The following PRKAR1B variants were observed in gnomAD, a reference collection of about 807,000 sequenced individuals.
PRKAR1B encodes the protein cAMP-dependent protein kinase type I-beta regulatory subunit.
Under a neutral mutation model 46.5 loss-of-function variants are expected in PRKAR1B, and 22 were observed. The observed-to-expected ratio is 0.47, with a 90% CI of 0.34 to 0.68. The LOEUF is 0.68. Ranked by LOEUF, PRKAR1B falls within the 30% of genes least tolerant of loss-of-function variation. The pLI, the probability that PRKAR1B is intolerant of heterozygous loss-of-function variation, is 0.01. For synonymous variants in PRKAR1B, 259 were observed against 217.7 expected, an observed-to-expected ratio of 1.19 and a Z score of -1.67; for missense variants, 445 against 535.6, an observed-to-expected ratio of 0.83 and a Z score of 1.67.
Position 566,025 on chromosome 7 carries a change from A to G in PRKAR1B, c.891+13231T>C, listed in dbSNP as rs550123832. Among the ~76,000 whole-genome samples, 296 of 152,322 alleles carry G rather than the reference A, an allele frequency of 1.9e-3. 2 individuals are homozygous for G. Among genetic ancestry groups the G allele is most frequent in the Non-Finnish European group, 2.2e-3 (149 of 68,024 alleles). On this transcript the variant is annotated intron_variant, in intron 9 of 10. Transcript: ENST00000537384. ...CTCTCAGTGCATTTTCTCATCAGAC[A>G]TATTGGGAGGATAATGGTCATTACC...
rs1466204484 is a variant in PRKAR1B, at chr7:644,134, C to T, written c.440+33095G>A. Reference sequence around the variant, plus strand: ...AACAGAGGTGCTAAGTCACGGGCCACATGCACCCCCTCCTGTGCCCTCACC... The same window carrying T: ...AACAGAGGTGCTAAGTCACGGGCCATATGCACCCCCTCCTGTGCCCTCACC... On this transcript the variant is annotated intron_variant, in intron 4 of 10. Coordinates refer to ENST00000537384, the MANE Select transcript of PRKAR1B (RefSeq NM_001164760.2). This position sits in a 1 kb window ranked among gnomAD's most constrained non-coding sequence, Gnocchi z 4.9. Among the ~76,000 whole-genome samples, 1 of 152,168 alleles carries T rather than the reference C, an allele frequency of 6.6e-6. No individual in the cohort carries two copies. Among genetic ancestry groups the T allele is most frequent in the Non-Finnish European group, 1.5e-5 (1 of 68,024 alleles).
intron 10 of PRKAR1B, among the ~76,000 whole-genome samples, chr7:551,065 C>A (rs1784155251): frequency 6.6e-6 from 1 of 152,086 alleles, no homozygotes. Context: ...AGCCCACCCA[C>A]CCCCAGCTGC....
intron 2 of PRKAR1B, among the ~76,000 whole-genome samples, chr7:704,702 C>T (rs1195595522): frequency 1.3e-5 from 2 of 151,838 alleles, no homozygotes; most frequent in African/African-American, 2.4e-5. Context: ...CCAGGAGGGG[C>T]GGGTTGCAGT....
In PRKAR1B at chr7:550,502, C is replaced by T; in HGVS notation, c.1074G>A (p.Val358=). 1 of 1,601,180 alleles carries T rather than the reference C, an allele frequency of 6.2e-7. No homozygotes were observed. Among genetic ancestry groups the T allele is most frequent in the Non-Finnish European group, 8.5e-7 (1 of 1,174,456 alleles). Reference sequence around the variant, plus strand: ...TGAGGATCTCAGAGCAGGGCCCCAGCACACGCTCGAAGCGGGGCCGGTCCA... The same window carrying T: ...TGAGGATCTCAGAGCAGGGCCCCAGTACACGCTCGAAGCGGGGCCGGTCCA... ...VKLDRPRFER[V]LGPCSEILKR... Residue 358 remains valine, a synonymous_variant, in exon 11 of 11, where the codon GTG becomes GTA. Transcript: ENST00000537384.
At chr7:646,721 G>C (rs1322479912) in intron 4 of PRKAR1B, among the ~76,000 whole-genome samples, 1 of 152,234 alleles carries the variant, frequency 6.6e-6, no homozygotes, top group Non-Finnish European at 1.5e-5. Flanking sequence ...AAATGGCTCA[G>C]AGTGCTCAGC....
At chr7:582,516 C>T (rs9330371) in intron 8 of PRKAR1B, among the ~76,000 whole-genome samples, 30,407 of 152,292 alleles carry the variant, frequency 0.2, 3,312 homozygotes, top group Non-Finnish European at 0.22. Flanking sequence ...ACGGAGAAGC[C>T]GGTCACATTG....
chr7:608,745 C>T (rs112543242), intron 4 of PRKAR1B, among the ~76,000 whole-genome samples: 697 of 68,092 alleles, frequency 0.01, 10 homozygotes, highest in East Asian at 0.013. Flanking sequence ...TGTGGCAGGG[C>T]TGTAGGGAAG....
At chr7:689,981 G>A (rs1038991855) in intron 2 of PRKAR1B, among the ~76,000 whole-genome samples, 2 of 149,664 alleles carry the variant, frequency 1.3e-5, no homozygotes, top group African/African-American at 4.9e-5. Flanking sequence ...GCGCCTGGCC[G>A]AGAACACAGT....
At position 560,634 on chromosome 7, in the gene PRKAR1B, C is replaced by T. The variant is rs147774988; in HGVS notation, c.892-9164G>A. 7.2e-4 allele frequency among the ~76,000 whole-genome samples: 110 copies of T among 152,292 alleles called. No individual in the cohort carries two copies. Among genetic ancestry groups the T allele is most frequent in the African/African-American group, 2.5e-3 (105 of 41,564 alleles). ...AGACCAAGAGTCGAAGAGTCTGGGT[C>T]CAGCCTCAGCTCTGCAATGCACCAG... On this transcript the variant is annotated intron_variant, in intron 9 of 10. Transcript: ENST00000537384. The surrounding 1 kb of genome is among the most constrained non-coding windows in gnomAD (Gnocchi z 4.2).
chr7:718,786 T>TCCCTGACC (rs1387571559), intron 1 of PRKAR1B, among the ~76,000 whole-genome samples: 1 of 151,630 alleles, frequency 6.6e-6, no homozygotes, highest in Non-Finnish European at 1.5e-5. Context: ...GTTCTCCATA[T>TCCCTGACC]CCCTGACCTT....
intron 4 of PRKAR1B, among the ~76,000 whole-genome samples, chr7:657,467 AC>A (rs1785275454): frequency 6.6e-6 from 1 of 152,172 alleles, no homozygotes; most frequent in Non-Finnish European, 1.5e-5. Context: ...CTCCCTCAAT[AC>A]CCCATATTTA....
At chr7:677,008 G>A (rs1233670827) in intron 4 of PRKAR1B, among the ~76,000 whole-genome samples, 3 of 148,450 alleles carry the variant, frequency 2.0e-5, no homozygotes, top group Admixed American at 6.7e-5. Context: ...CTCCCGGAGG[G>A]CAAGGAGGGC....
In PRKAR1B at chr7:711,316, G is replaced by T; in HGVS notation, c.177+13C>A. 1 of 1,613,570 alleles carries T rather than the reference G, an allele frequency of 6.2e-7. No homozygotes were observed. Among genetic ancestry groups the T allele is most frequent in the South Asian group, 1.1e-5 (1 of 91,034 alleles). On this transcript the variant is annotated intron_variant, in intron 2 of 10. Coordinates refer to ENST00000537384, the MANE Select transcript of PRKAR1B (RefSeq NM_001164760.2). ...CGTGCGAAGGGAAGCAGCGGGCGGCGGGGGCCACTCACCTTCTCCAGCTTC... is the reference window on the plus strand; with the variant it reads ...CGTGCGAAGGGAAGCAGCGGGCGGCTGGGGCCACTCACCTTCTCCAGCTTC...
chr7:557,573 G>A (rs1778523632), intron 9 of PRKAR1B, among the ~76,000 whole-genome samples: 2 of 152,320 alleles, frequency 1.3e-5, no homozygotes, highest in African/African-American at 4.8e-5. Context: ...GAAACAGGAT[G>A]GACATGGACC....
intron 3 of PRKAR1B, among the ~76,000 whole-genome samples, chr7:680,179 G>T (rs1359921860): frequency 7.1e-6 from 1 of 141,790 alleles, no homozygotes; most frequent in South Asian, 2.2e-4. Context: ...AAAAAAAAAA[G>T]AGAGAGACCA....
At chr7:691,645 C>T (rs1190161922) in intron 2 of PRKAR1B, 2 of 1,300,328 alleles carry the variant, frequency 1.5e-6, no homozygotes, top group South Asian at 1.2e-5. Flanking sequence ...TGGCCTCCGC[C>T]CAGGTCTCCA....
At chr7:590,421 C>T (rs917562283) in intron 7 of PRKAR1B, among the ~76,000 whole-genome samples, 13 of 152,256 alleles carry the variant, frequency 8.5e-5, no homozygotes, top group Non-Finnish European at 4.4e-5. Flanking sequence ...GCCACTCCAA[C>T]GTGTGGCCCT....
chr7:572,244 C>A (rs1387067027), intron 9 of PRKAR1B, among the ~76,000 whole-genome samples: 1 of 152,220 alleles, frequency 6.6e-6, no homozygotes, highest in Non-Finnish European at 1.5e-5. Context: ...GTTCACAACC[C>A]ACAGGCCTGC....
At chr7:611,829 G>A (rs940569752) in intron 4 of PRKAR1B, among the ~76,000 whole-genome samples, 3 of 151,046 alleles carry the variant, frequency 2.0e-5, no homozygotes, top group South Asian at 2.1e-4. Flanking sequence ...GTGGGTGAGC[G>A]GATGGATGGA....
Sources: gnomAD v4.1 joint callset for allele counts (sites outside exome capture counted in the v4.1 genomes callset) on GRCh38, gnomAD v4.1.1 for gene constraint, Gnocchi (gnomAD v3.1) non-coding constraint, MANE v1.5 for transcripts, NCBI Gene and HGNC (gene_info 2026-07-23, HGNC 2026-07-21) for gene names.